The following ERBIN variants were observed in gnomAD, a reference collection of about 807,000 sequenced individuals.
ERBIN encodes the protein densin-180-like protein.
In ERBIN, 60 loss-of-function variants were observed where a neutral mutation model predicts 158.4. The ratio of observed to expected loss-of-function variants is 0.38; its 90% confidence interval spans 0.31 to 0.47. The LOEUF is 0.47. Ranked by LOEUF, ERBIN falls within the 20% of genes least tolerant of loss-of-function variation. The pLI is 0.99. For missense variants in ERBIN, 1,610 were observed against 1,648.0 expected (o/e 0.98, Z 0.40); for synonymous variants, 594 against 557.2 (o/e 1.07, Z -0.93).
chr5:66,049,100 A>T (rs1178138563), intron 19 of ERBIN, among the ~76,000 whole-genome samples: 3 of 152,082 alleles, frequency 2.0e-5, no homozygotes, highest in African/African-American at 4.8e-5. Flanking sequence ...ATCTGATTTG[A>T]CATACAATGA....
At chr5:66,077,075 C>A in intron 25 of ERBIN, 126 bp downstream of exon 25, 1 of 610,226 alleles carries the variant, frequency 1.6e-6, no homozygotes, top group South Asian at 2.2e-5. Flanking sequence ...GGCGTGAACC[C>A]GGGAGGCGGC....
chr5:66,014,660 G>A lies in ERBIN; in HGVS notation c.477-9G>A, dbSNP rs1215355970. ...GTCCTAAATACATGATTTTTTTTTT[G>A]TATTGCAGATTAACTAAACTCCAAA... On this transcript the variant is annotated splice_polypyrimidine_tract_variant and intron_variant, in intron 6 of 25. Transcript: ENST00000284037. 1.1e-5 allele frequency: 14 copies of A among 1,247,064 alleles called. No individual in the cohort carries two copies. The highest frequency in any genetic ancestry group is 1.3e-5 in the Non-Finnish European group (12 of 900,982). The allele number at this position is 1,247,064 out of a possible 1,614,324, so 77.2% of individuals were successfully genotyped here. A position where few individuals can be genotyped will look rare whatever the true frequency, so the allele number is the denominator to read the frequency against.
chr5:65,930,725 C>T (rs1012485867), intron 1 of ERBIN, among the ~76,000 whole-genome samples: 2 of 151,958 alleles, frequency 1.3e-5, no homozygotes, highest in African/African-American at 4.8e-5. Flanking sequence ...ACTTTGTAAC[C>T]CTCTCTACCT....
In ERBIN at chr5:66,081,514, G is replaced by A. The variant is rs1476944853; in HGVS notation, c.*2984G>A. On this transcript the variant is annotated 3_prime_UTR_variant, in exon 26 of 26. Transcript: ENST00000284037. The stretch of plus-strand genomic sequence containing the variant: ...TCCAAATTTTTGTATATATCTAGAT[G>A]AAGTAACACATAGAGGATAGATAAC... 1 of 152,012 alleles carries A rather than the reference G, an allele frequency of 6.6e-6. No homozygotes were observed. Among genetic ancestry groups the A allele is most frequent in the Non-Finnish European group, 1.5e-5 (1 of 67,960 alleles). 9.4% of individuals were successfully genotyped at this position (152,012 alleles called of 1,614,324 possible). A position where few individuals can be genotyped will look rare whatever the true frequency, so the allele number is the denominator to read the frequency against.
At chr5:66,066,929 A>C (rs1228325913) in intron 21 of ERBIN, among the ~76,000 whole-genome samples, 2 of 152,246 alleles carry the variant, frequency 1.3e-5, no homozygotes, top group Non-Finnish European at 2.9e-5. Flanking sequence ...TTTATTCATC[A>C]GTAAAATATT....
At position 66,054,842 on chromosome 5, in the gene ERBIN, C is replaced by G. The variant is rs145963179; in HGVS notation, c.3524C>G (p.Ala1175Gly). The change falls in exon 21 of 26, where the codon GCA becomes GGA. Residue 1175 changes from alanine to glycine, a missense_variant. Transcript: ENST00000284037. Reference sequence around the variant, plus strand: ...ACTAGTCCTTCAAAAAGACCAAATGCAAGGGTTGGTTCTGAGCATTCTTTA... The same window carrying G: ...ACTAGTCCTTCAAAAAGACCAAATGGAAGGGTTGGTTCTGAGCATTCTTTA... Reference protein sequence around the residue: ...SRTSPSKRPNARVGSEHSLLD... With the variant: ...SRTSPSKRPNGRVGSEHSLLD... The G allele has an allele frequency of 6.2e-7, 1 of 1,614,076 alleles. No homozygotes were observed. Among genetic ancestry groups the G allele is most frequent in the South Asian group, 1.1e-5 (1 of 91,080 alleles).
intron 1 of ERBIN, among the ~76,000 whole-genome samples, chr5:65,977,106 C>A (rs1430627173): frequency 1.3e-5 from 2 of 150,912 alleles, no homozygotes; most frequent in African/African-American, 4.9e-5. Context: ...GGCAGAGGCG[C>A]CCCTCACCTC....
At chr5:65,940,460 G>A (rs1744760228) in intron 1 of ERBIN, among the ~76,000 whole-genome samples, 1 of 131,400 alleles carries the variant, frequency 7.6e-6, no homozygotes, top group African/African-American at 3.2e-5. Context: ...GTCCGGGAGG[G>A]AGGTGGGGGG....
intron 4 of ERBIN, among the ~76,000 whole-genome samples, chr5:66,007,356 A>G (rs1324217479): frequency 6.6e-6 from 1 of 151,454 alleles, no homozygotes. Flanking sequence ...ACTTGGGCAC[A>G]GGGAGGGGAA....
chr5:65,950,479 T>G (rs904944227), intron 1 of ERBIN, among the ~76,000 whole-genome samples: 1 of 152,234 alleles, frequency 6.6e-6, no homozygotes. Flanking sequence ...GGAAGTGCTT[T>G]TCTTACCATA....
intron 1 of ERBIN, among the ~76,000 whole-genome samples, chr5:65,956,338 G>C (rs1747120874): frequency 6.6e-6 from 1 of 151,152 alleles, no homozygotes; most frequent in Non-Finnish European, 1.5e-5. Context: ...ACTGAACTGG[G>C]ATGATTAATA....
At chr5:66,000,249 A>G (rs775326756) in intron 4 of ERBIN, among the ~76,000 whole-genome samples, 46 of 152,178 alleles carry the variant, frequency 3.0e-4, no homozygotes, top group Non-Finnish European at 5.6e-4. Flanking sequence ...AATGAAAATA[A>G]CTTGCATATA....
intron 7 of ERBIN, among the ~76,000 whole-genome samples, chr5:66,018,462 TATA>T (rs1561379916): frequency 1.2e-4 from 1 of 8,512 alleles, no homozygotes; most frequent in East Asian, 2.6e-3. Context: ...TATTATATTA[TATA>T]ATATATATTA....
chr5:66,014,295 T>C (rs988549663), intron 6 of ERBIN, among the ~76,000 whole-genome samples: 14 of 152,276 alleles, frequency 9.2e-5, no homozygotes, highest in African/African-American at 2.9e-4. Context: ...TTCTCCTCCT[T>C]CTTTTGTTTC....
intron 22 of ERBIN, among the ~76,000 whole-genome samples, 173 bp from the exon 23 acceptor site, chr5:66,074,851 G>A (rs1047820931): frequency 2.0e-5 from 3 of 152,216 alleles, no homozygotes; most frequent in African/African-American, 7.2e-5. Flanking sequence ...GACATTAATA[G>A]CTTATTTCTT....
chr5:66,070,152 C>G (rs997261440), intron 21 of ERBIN, among the ~76,000 whole-genome samples: 1 of 152,138 alleles, frequency 6.6e-6, no homozygotes, highest in Non-Finnish European at 1.5e-5. Flanking sequence ...TCAAGCGATT[C>G]TCCTGCCTCA....
Position 66,054,163 on chromosome 5 carries a change from A to G in ERBIN, c.2845A>G (p.Asn949Asp). ...AAAGGCAATTTTCAAGTTTGATTCA[A>G]ATCATAATCCCGAAGAGCCAAATAT... Reference protein sequence around the residue: ...GTKAIFKFDSNHNPEEPNIIR... With the variant: ...GTKAIFKFDSDHNPEEPNIIR... Residue 949 changes from asparagine to aspartate, a missense_variant, in exon 21 of 26, where the codon AAT becomes GAT. Asn to Asp is a conservative substitution (Grantham distance 23). Coordinates refer to ENST00000284037, the MANE Select transcript of ERBIN (RefSeq NM_001253697.2). The G allele has an allele frequency of 6.2e-7, 1 of 1,614,212 alleles. No homozygotes were observed. The highest frequency in any genetic ancestry group is 8.5e-7 in the Non-Finnish European group (1 of 1,180,038).
At chr5:65,998,305 C>T (rs1477103960) in intron 4 of ERBIN, among the ~76,000 whole-genome samples, 1 of 149,974 alleles carries the variant, frequency 6.7e-6, no homozygotes, top group Non-Finnish European at 1.5e-5. Context: ...AGTTGCAGGT[C>T]ATTGAAATGT....
chr5:66,061,008 G>A (rs1197091437), intron 21 of ERBIN, among the ~76,000 whole-genome samples: 5 of 152,176 alleles, frequency 3.3e-5, no homozygotes, highest in African/African-American at 1.2e-4. Context: ...GTGCTGAAAA[G>A]AATGTATATT....
Sources: allele counts gnomAD v4.1 joint callset (sites outside exome capture counted in the v4.1 genomes callset), GRCh38; gene constraint gnomAD v4.1.1; transcripts MANE v1.5; gene names NCBI Gene and HGNC (gene_info 2026-07-23, HGNC 2026-07-21).